Variants in PPOX observed in about 807,000 individuals in gnomAD.
PPOX encodes the protein protoporphyrinogen oxidase, also known as variegate porphyria.
Under a neutral mutation model 54.1 loss-of-function variants are expected in PPOX, and 23 were observed. The ratio of observed to expected loss-of-function variants is 0.43; its 90% CI spans 0.31 to 0.60. PPOX has a LOEUF of 0.60. PPOX is among the 20% of genes least tolerant of loss of function. The pLI is 0.13. For missense variants in PPOX, 512 were observed against 601.1 expected (o/e 0.85, Z 1.55); for synonymous variants, 224 against 236.1 (o/e 0.95, Z 0.47).
At chr1:161,171,477 A>G, downstream of PPOX, 1 of 587,288 alleles carries the variant, frequency 1.7e-6, no homozygotes, top group Non-Finnish European at 3.0e-6. Flanking sequence ...CAGAGGTCCG[A>G]GGAGAAGCCA....
At chr1:161,177,639 T>C (rs151221662), downstream of PPOX, 1 of 157,444 alleles carries the variant, frequency 6.4e-6, no homozygotes, top group Non-Finnish European at 1.4e-5. Context: ...TGGAACGCGT[T>C]GTAGGCGACC....
intron 10 of PPOX, 27 bp downstream of exon 10, chr1:161,170,546 G>A: frequency 6.2e-7 from 1 of 1,614,132 alleles, no homozygotes; most frequent in Non-Finnish European, 8.5e-7. Flanking sequence ...TTTGCCTAGT[G>A]GCATTTCCAG....
Position 161,171,101 on chromosome 1 carries a change from A to T in PPOX, c.1359A>T (p.Gly453=), listed in dbSNP as rs1661250607. Residue 453 remains glycine, a synonymous_variant, in exon 13 of 13, where the codon GGA becomes GGT. Coordinates refer to ENST00000367999, the MANE Select transcript of PPOX (RefSeq NM_001122764.3). ...CTCTGGCTGGAGCCTCCTATGAGGG[A>T]GTTGCTGTTAATGACTGTATAGAGA... ...PLTLAGASYE[G]VAVNDCIESG... is the part of the protein sequence containing the mutation. 5.6e-6 allele frequency: 9 copies of T among 1,613,952 alleles called. No individual in the cohort carries two copies. The highest frequency in any genetic ancestry group is 7.6e-6 in the Non-Finnish European group (9 of 1,180,026).
Position 161,170,742 on chromosome 1 carries a change from G to A in PPOX, c.1221G>A (p.Pro407=), listed in dbSNP as rs373028678. The stretch of plus-strand genomic sequence containing the variant: ...CACAATTAGGACTGAAGGAGATGCC[G>A]AGCCACTGCTTGGTCCATCTACACA... ...AATQLGLKEM[P]SHCLVHLHKN... Residue 407 remains proline (P), a synonymous_variant, in exon 11 of 13, where the codon CCG becomes CCA. Transcript: ENST00000367999. The A allele has an allele frequency of 2.8e-5, 45 of 1,613,128 alleles. No homozygotes were observed. The highest frequency in any genetic ancestry group is 1.6e-4 in the Middle Eastern group (1 of 6,084).
At chr1:161,175,992 C>A, downstream of PPOX, 3 of 1,614,084 alleles carry the variant, frequency 1.9e-6, no homozygotes, top group Non-Finnish European at 2.5e-6. Context: ...ACAGGTACAT[C>A]ATGACAGCCA....
intron 7 of PPOX, 192 bp from the exon 8 acceptor site, chr1:161,169,468 C>T (rs766536423): frequency 1.8e-5 from 13 of 729,398 alleles, no homozygotes; most frequent in South Asian, 3.2e-5. Context: ...CTGTCTGGTC[C>T]ACTTCCTGGA....
chr1:161,166,496 A>G lies in PPOX; in HGVS notation c.-185A>G. ...GGATTTGAAGCACTTGTTGGCCTACAGAGGTGTGGCAAGCAGAGCACCTCA... is the reference window on the plus strand; with the variant it reads ...GGATTTGAAGCACTTGTTGGCCTACGGAGGTGTGGCAAGCAGAGCACCTCA... On this transcript the variant is annotated 5_prime_UTR_variant, in exon 1 of 13. Transcript: ENST00000367999. 3 of 1,300,974 alleles carry G rather than the reference A, an allele frequency of 2.3e-6. No homozygotes were observed. Among genetic ancestry groups the G allele is most frequent in the Middle Eastern group, 3.1e-4 (1 of 3,266 alleles). 80.6% of individuals were successfully genotyped at this position (1,300,974 alleles called of 1,614,324 possible).
chr1:161,176,089 G>C (rs1239101776), downstream of PPOX: 2 of 1,610,978 alleles, frequency 1.2e-6, no homozygotes, highest in South Asian at 1.1e-5. Context: ...GGAGGGAGAG[G>C]GGAATTCTGG....
Position 161,170,535 on chromosome 1 carries a change from CTT to C in PPOX, c.1098+18_1098+19del, listed in dbSNP as rs1558036961. On this transcript the variant is annotated intron_variant, in intron 10 of 12. Coordinates refer to ENST00000367999, the MANE Select transcript of PPOX (RefSeq NM_001122764.3). ...CAGAGTGACTGTGAGGAGGAGGAAA[CTT>C]TGCCTAGTGGCATTTCCAGAGGGCT... The C allele has an allele frequency of 6.2e-7, 1 of 1,614,172 alleles. No individual in the cohort carries two copies. Among genetic ancestry groups the C allele is most frequent in the African/African-American group, 1.3e-5 (1 of 75,072 alleles).
chr1:161,171,746 G>A, downstream of PPOX: 2 of 1,565,540 alleles, frequency 1.3e-6, no homozygotes, highest in Non-Finnish European at 1.7e-6. Flanking sequence ...AGAACAGTGA[G>A]GAGCTGAGGG....
chr1:161,167,307 A>C (rs759875290), intron 3 of PPOX, 64 bp from the exon 4 acceptor site: 1 of 1,613,566 alleles, frequency 6.2e-7, no homozygotes, highest in East Asian at 2.2e-5. Context: ...TTAGGGGAGG[A>C]AGTATGTTTG....
exon 5 of PPOX, chr1:161,176,923 T>G (rs929260704): frequency 2.6e-6 from 4 of 1,536,058 alleles, no homozygotes; most frequent in East Asian, 4.9e-5. Context: ...CAGGGCGAAG[T>G]AGGAAACAGG....
At chr1:161,171,740 C>T, downstream of PPOX, 2 of 1,550,400 alleles carry the variant, frequency 1.3e-6, no homozygotes, top group Non-Finnish European at 8.8e-7. Flanking sequence ...CCTCTGAGAA[C>T]AGTGAGGAGC....
chr1:161,165,974 T>C, upstream of PPOX: 1 of 482,880 alleles, frequency 2.1e-6, no homozygotes, highest in Non-Finnish European at 2.7e-6. Flanking sequence ...TGGTCGGCGA[T>C]GGGGGAGTGC....
downstream of PPOX, chr1:161,173,631 A>G: frequency 1.9e-6 from 3 of 1,613,828 alleles, no homozygotes; most frequent in Non-Finnish European, 2.5e-6. Context: ...CATCCTCACC[A>G]CCCCAGCCCC....
chr1:161,176,846 C>T (rs1323421645), intron 4 of PPOX: 1 of 1,535,258 alleles, frequency 6.5e-7, no homozygotes. Context: ...TGTTTTCCCC[C>T]AGACCAAGAA....
intron 7 of PPOX, 104 bp downstream of exon 7, chr1:161,169,287 T>C (rs1208204523): frequency 2.9e-6 from 4 of 1,396,350 alleles, no homozygotes; most frequent in Middle Eastern, 1.8e-4. Context: ...TCATTGTTTT[T>C]GTGCCTTAGA....
rs762308808 is a variant in PPOX, at chr1:161,169,065, G to A, written c.689G>A (p.Arg230His). ...GAGCGCTGGAGCCAGTGGTCACTTC[G>A]TGGAGGTCTAGAGATGTTGCCTCAG... ...LAERWSQWSLRGGLEMLPQAL... is the reference protein window; with the variant it reads ...LAERWSQWSLHGGLEMLPQAL... The change falls in exon 7 of 13, where the codon CGT becomes CAT. Residue 230 changes from arginine (R) to histidine (H), a missense_variant. Physicochemically the swap from Arg to His is conservative, Grantham distance 29. Transcript: ENST00000367999. 14 of 1,614,094 alleles carry A rather than the reference G, an allele frequency of 8.7e-6. No individual in the cohort carries two copies. Among genetic ancestry groups the A allele is most frequent in the African/African-American group, 2.7e-5 (2 of 74,930 alleles).
At chr1:161,175,113 G>A (rs1216783669), downstream of PPOX, 1 of 1,613,978 alleles carries the variant, frequency 6.2e-7, no homozygotes, top group Non-Finnish European at 8.5e-7. Flanking sequence ...TGGCTGTTCG[G>A]GAGCGGGGCT....
Sources: gnomAD v4.1 joint callset for allele counts on GRCh38, gnomAD v4.1.1 for gene constraint, MANE v1.5 for transcripts, NCBI Gene and HGNC (gene_info 2026-07-23, HGNC 2026-07-21) for gene names.